SLC25A24: variants seen among roughly 807,000 people sequenced by gnomAD.
SLC25A24 encodes the protein mitochondrial adenyl nucleotide antiporter SLC25A24.
SLC25A24 carries 49 observed loss-of-function variants against 60.7 expected under a neutral mutation model. The observed-to-expected ratio is 0.81, with a 90% CI of 0.64 to 1.02. The LOEUF (loss-of-function observed/expected upper bound fraction) is 1.02. Among genes scored for constraint, SLC25A24 ranks in the 50% least tolerant of loss-of-function variants. The pLI is 0.00. For missense variants in SLC25A24, 564 were observed against 586.3 expected (o/e 0.96, Z 0.39); for synonymous variants, 202 against 200.6 (o/e 1.01, Z -0.06).
At chr1:108,186,135 A>T (rs1240353362) in intron 1 of SLC25A24, among the ~76,000 whole-genome samples, 181 bp from the exon 2 acceptor site, 1 of 152,222 alleles carries the variant, frequency 6.6e-6, no homozygotes, top group Non-Finnish European at 1.5e-5. Context: ...CTACTGCAAA[A>T]AGATTCTGAG....
intron 4 of SLC25A24, among the ~76,000 whole-genome samples, chr1:108,159,282 C>T (rs1679988132): frequency 6.6e-6 from 1 of 152,126 alleles, no homozygotes; most frequent in Non-Finnish European, 1.5e-5. Flanking sequence ...GACACAGATC[C>T]TTAGCAACCA....
rs1286902545 is a variant in SLC25A24, at chr1:108,160,599, G to A, written c.510+583C>T. On this transcript the variant is annotated intron_variant, in intron 4 of 9. Transcript: ENST00000565488. ...GGCACTTTGGGAGGCCAAGGCAGGCGGCTGGGAGGTGGAGGTTGTAGCGAG... is the reference window on the plus strand; with the variant it reads ...GGCACTTTGGGAGGCCAAGGCAGGCAGCTGGGAGGTGGAGGTTGTAGCGAG... Among the ~76,000 whole-genome samples the A allele has an allele frequency of 5.3e-5, 8 of 152,278 alleles. 1 individual carries two copies. The East Asian group carries it at 1.4e-3, about 26-fold the overall frequency.
chr1:108,170,109 C>G (rs935280822), intron 3 of SLC25A24, among the ~76,000 whole-genome samples: 1 of 152,070 alleles, frequency 6.6e-6, no homozygotes, highest in Admixed American at 6.5e-5. Flanking sequence ...TAATTCTTTT[C>G]TAATAAAAGC....
rs769512685 is a variant in SLC25A24, at chr1:108,157,444, C to T, written c.669+18G>A. 1.9e-6 allele frequency: 3 copies of T among 1,606,922 alleles called. No homozygotes were observed. Among genetic ancestry groups the T allele is most frequent in the African/African-American group, 2.7e-5 (2 of 74,834 alleles). Reference sequence around the variant, plus strand: ...AGAATATTTAGGGCAAACCTGGACACACGATAATAAAGCTCACCTGCATCA... The same window carrying T: ...AGAATATTTAGGGCAAACCTGGACATACGATAATAAAGCTCACCTGCATCA... On this transcript the variant is annotated intron_variant, in intron 5 of 9. Coordinates refer to ENST00000565488, the MANE Select transcript of SLC25A24 (RefSeq NM_013386.5).
chr1:108,153,649 C>A lies in SLC25A24; in HGVS notation c.822+1334G>T, dbSNP rs188137000. ...GTCCAGAGCCCATAAGAACACTACA[C>A]CACACTGTGTAGACAGCTTTCTCTT... On this transcript the variant is annotated intron_variant, in intron 6 of 9. Transcript: ENST00000565488. Among the ~76,000 whole-genome samples, 229 of 152,236 alleles carry A rather than the reference C, an allele frequency of 1.5e-3. 3 individuals carry two copies. Among genetic ancestry groups the A allele is most frequent in the Non-Finnish European group, 3.5e-4 (24 of 68,008 alleles).
intron 4 of SLC25A24, among the ~76,000 whole-genome samples, chr1:108,159,751 A>T (rs1571289405): frequency 1.3e-5 from 2 of 151,812 alleles, no homozygotes; most frequent in African/African-American, 4.8e-5. Flanking sequence ...GAGTGGACAC[A>T]GCACATGTTT....
At position 108,135,383 on chromosome 1, in the gene SLC25A24, G is replaced by A. The variant is rs965821764; in HGVS notation, c.*1270C>T. On this transcript the variant is annotated 3_prime_UTR_variant, in exon 10 of 10. Coordinates refer to ENST00000565488, the MANE Select transcript of SLC25A24 (RefSeq NM_013386.5). ...TAACAGAAATTATTAGAAGTGAAAT[G>A]AGTTTAAGAACTAAATTAAAAACTG... 6.6e-6 allele frequency: 1 copy of A among 152,506 alleles called. No individual in the cohort carries two copies. The highest frequency in any genetic ancestry group is 1.5e-5 in the Non-Finnish European group (1 of 67,992). 9.4% of individuals were successfully genotyped at this position (152,506 alleles called of 1,614,324 possible). A position where few individuals can be genotyped will look rare whatever the true frequency, so the allele number is the denominator to read the frequency against.
chr1:108,190,792 C>T (rs1309288401), intron 1 of SLC25A24, among the ~76,000 whole-genome samples: 1 of 101,108 alleles, frequency 9.9e-6, no homozygotes, highest in Non-Finnish European at 2.2e-5. Context: ...TCAAAACCTC[C>T]TAACGATGTG....
chr1:108,186,076 G>A, intron 1 of SLC25A24, 122 bp from the exon 2 acceptor site: 1 of 622,286 alleles, frequency 1.6e-6, no homozygotes, highest in Non-Finnish European at 2.6e-6. Context: ...TTTTTGGCCA[G>A]ATGTATCATC....
intron 7 of SLC25A24, among the ~76,000 whole-genome samples, chr1:108,148,057 G>A (rs891274932): frequency 3.9e-5 from 6 of 152,132 alleles, no homozygotes; most frequent in Non-Finnish European, 8.8e-5. Context: ...CTTGGAATCC[G>A]CCTCCAGCTG....
chr1:108,164,954 A>G (rs1258829899), intron 3 of SLC25A24, among the ~76,000 whole-genome samples: 3 of 140,838 alleles, frequency 2.1e-5, no homozygotes, highest in African/African-American at 8.3e-5. Context: ...CCCTCTACAC[A>G]CTGCTTTGAA....
At position 108,136,639 on chromosome 1, in the gene SLC25A24, C is replaced by CA. The variant is rs1558005003; in HGVS notation, c.*13dup. On this transcript the variant is annotated 3_prime_UTR_variant, in exon 10 of 10. Coordinates refer to ENST00000565488, the MANE Select transcript of SLC25A24 (RefSeq NM_013386.5). ...GAAAGTTTCAATTATCAGGCTAAAG[C>CA]AAAAAATGCAACATCATTTCTGGGT... 1.9e-6 allele frequency: 3 copies of CA among 1,606,382 alleles called. No homozygotes were observed. Among genetic ancestry groups the CA allele is most frequent in the South Asian group, 1.1e-5 (1 of 90,170 alleles).
intron 4 of SLC25A24, among the ~76,000 whole-genome samples, chr1:108,159,464 G>T (rs199704003): frequency 0.012 from 1,569 of 130,996 alleles, 15 homozygotes; most frequent in Middle Eastern, 0.021. Flanking sequence ...GTCTTGGGTT[G>T]TTTTTTTTTT....
At chr1:108,161,103 G>A in intron 4 of SLC25A24, 79 bp downstream of exon 4, 1 of 757,996 alleles carries the variant, frequency 1.3e-6, no homozygotes, top group East Asian at 2.6e-5. Context: ...GCCCATAAGT[G>A]TTACAGAGTG....
At chr1:108,138,164 G>A (rs918713010) in intron 9 of SLC25A24, among the ~76,000 whole-genome samples, 1 of 152,170 alleles carries the variant, frequency 6.6e-6, no homozygotes, top group Non-Finnish European at 1.5e-5. Flanking sequence ...TTTACTTGCT[G>A]GACATAACGT....
intron 1 of SLC25A24, among the ~76,000 whole-genome samples, chr1:108,187,557 C>T (rs909944126): frequency 3.3e-5 from 5 of 152,054 alleles, no homozygotes; most frequent in Admixed American, 1.3e-4. Context: ...CAAACGCCTA[C>T]AAAAACAACT....
In SLC25A24 at chr1:108,134,048, T is replaced by C. The variant is rs954504242; in HGVS notation, c.*2605A>G. On this transcript the variant is annotated 3_prime_UTR_variant, in exon 10 of 10. Transcript: ENST00000565488. ...AAATACTGTAAAGTACAATCTCTGC[T>C]TGCATAAATTTATTCTCTTGACTGG... 6.6e-6 allele frequency: 1 copy of C among 152,230 alleles called. No individual in the cohort carries two copies. Among genetic ancestry groups the C allele is most frequent in the Non-Finnish European group, 1.5e-5 (1 of 68,040 alleles). The allele number at this position is 152,230 out of a possible 1,614,324, so 9.4% of individuals were successfully genotyped here.
intron 6 of SLC25A24, among the ~76,000 whole-genome samples, 154 bp downstream of exon 6, chr1:108,154,829 G>A (rs977063736): frequency 9.9e-5 from 15 of 152,036 alleles, no homozygotes; most frequent in African/African-American, 3.6e-4. Context: ...ATTTTATTTA[G>A]TCTAATCTCC....
chr1:108,176,623 A>T (rs1647682595), intron 3 of SLC25A24, among the ~76,000 whole-genome samples: 1 of 152,234 alleles, frequency 6.6e-6, no homozygotes, highest in South Asian at 2.1e-4. Context: ...TCCTGAAAAC[A>T]GCAAAAGATA....
Sources: allele counts gnomAD v4.1 joint callset (sites outside exome capture counted in the v4.1 genomes callset), GRCh38; gene constraint gnomAD v4.1.1; transcripts MANE v1.5; gene names NCBI Gene and HGNC (gene_info 2026-07-23, HGNC 2026-07-21).